PIR: variants seen among roughly 807,000 people sequenced by gnomAD.
PIR encodes the protein pirin.
Under a neutral mutation model 24.2 loss-of-function variants are expected in PIR, and 22 were observed. That is an observed-to-expected ratio of 0.91 (90% CI 0.65 to 1.30). PIR has a LOEUF of 1.30. Among genes scored for constraint, PIR ranks in the 50% most tolerant of loss-of-function variants. The pLI, the probability that PIR is intolerant of heterozygous loss-of-function variation, is 0.00. For missense variants in PIR, 220 were observed against 220.3 expected (o/e 1.00, Z 0.01); for synonymous variants, 80 against 79.6 (o/e 1.00, Z -0.03).
chrX:15,446,246 T>C (rs928514401), intron 5 of PIR, among the ~76,000 whole-genome samples: 18 of 111,987 alleles, frequency 1.6e-4, no homozygotes, highest in African/African-American at 5.8e-4. Context: ...TTTTCCAATT[T>C]TCATACTTTA....
chrX:15,478,387 A>G (rs1922323221), intron 3 of PIR: 1 of 112,322 alleles, frequency 8.9e-6, no homozygotes, highest in Non-Finnish European at 1.9e-5. Flanking sequence ...ATATCCGAAA[A>G]GACCTTGAAG....
chrX:15,489,172 G>A (rs1007017114), intron 2 of PIR, among the ~76,000 whole-genome samples: 2 of 111,585 alleles, frequency 1.8e-5, no homozygotes, highest in Non-Finnish European at 1.9e-5. Flanking sequence ...AATATTGTTC[G>A]TGTTCTTCAC....
rs868415644 is a variant in PIR, at chrX:15,483,183, C to A, written c.97-3362G>T. Among the ~76,000 whole-genome samples the A allele has an allele frequency of 3.5e-3, 181 of 51,552 alleles. 1 individual carries two copies. The highest frequency in any genetic ancestry group is 0.013 in the African/African-American group (174 of 13,199). 44.8% of individuals were successfully genotyped at this position (51,552 alleles called of 115,157 possible). ...ATTATACATATATATATAAATTCAA[C>A]AAGCTACTGCAAGTTTTTTAACCTA... On this transcript the variant is annotated intron_variant, in intron 2 of 9. Coordinates refer to ENST00000380420, the MANE Select transcript of PIR (RefSeq NM_001018109.3).
chrX:15,412,066 A>C (rs756009992), intron 6 of PIR, among the ~76,000 whole-genome samples: 1 of 112,162 alleles, frequency 8.9e-6, no homozygotes, highest in East Asian at 2.8e-4. Flanking sequence ...ATTTTCTTAC[A>C]AAAGTATAGT....
intron 8 of PIR, among the ~76,000 whole-genome samples, chrX:15,395,879 A>G (rs1235018936): frequency 8.9e-6 from 1 of 112,344 alleles, no homozygotes; most frequent in African/African-American, 3.2e-5. Context: ...AGAATTGCAC[A>G]TAACAGAACG....
intron 7 of PIR, among the ~76,000 whole-genome samples, chrX:15,401,379 A>G (rs1053737587): frequency 1.0e-5 from 1 of 99,502 alleles, no homozygotes; most frequent in Non-Finnish European, 1.9e-5. Flanking sequence ...TCTTATAGAC[A>G]CTGGAGTCAG....
In PIR at chrX:15,416,432, G is replaced by A. The variant is rs12353903; in HGVS notation, c.566-8882C>T. 2.8e-4 allele frequency among the ~76,000 whole-genome samples: 31 copies of A among 111,581 alleles called. No homozygotes were observed. The Admixed American group carries it at 3.0e-3, about 11-fold the overall frequency. ...TGGAAAAAATCACTACGCATTTTTCGAGGTTTACTCCAGTCATTTTTAAAA... is the reference window on the plus strand; with the variant it reads ...TGGAAAAAATCACTACGCATTTTTCAAGGTTTACTCCAGTCATTTTTAAAA... On this transcript the variant is annotated intron_variant, in intron 6 of 9. Coordinates refer to ENST00000380420, the MANE Select transcript of PIR (RefSeq NM_001018109.3).
chrX:15,461,106 C>A (rs1022274), intron 3 of PIR, among the ~76,000 whole-genome samples: 32,154 of 110,532 alleles, frequency 0.29, 3,459 homozygotes, highest in East Asian at 0.46. Flanking sequence ...CGCCACTCAC[C>A]CCTTCAGCCC....
At chrX:15,396,389 A>G (rs1254433812) in intron 8 of PIR, among the ~76,000 whole-genome samples, 3 of 112,077 alleles carry the variant, frequency 2.7e-5, no homozygotes, top group Non-Finnish European at 5.6e-5. Flanking sequence ...ACTGTGTTCT[A>G]TAACAACAGG....
chrX:15,394,270 G>C (rs751166414), intron 8 of PIR, among the ~76,000 whole-genome samples: 1 of 111,913 alleles, frequency 8.9e-6, no homozygotes, highest in African/African-American at 3.2e-5. Context: ...AAATTTAGTG[G>C]TTTATTTCAT....
rs1448091548 is a variant in PIR at position 15,396,853 on chromosome X, G to A, written c.693+596C>T. Among the ~76,000 whole-genome samples, 8 of 110,178 alleles carry A rather than the reference G, an allele frequency of 7.3e-5. No individual in the cohort carries two copies. The East Asian group carries it at 2.3e-3, about 31-fold the overall frequency. Reference sequence around the variant, plus strand: ...CCTCCCGGGTTCACGCCATTCTTCTGCCTCAGCCTCCCGAGTAGCTGGGAC... The same window carrying A: ...CCTCCCGGGTTCACGCCATTCTTCTACCTCAGCCTCCCGAGTAGCTGGGAC... On this transcript the variant is annotated intron_variant, in intron 8 of 9. Coordinates refer to ENST00000380420, the MANE Select transcript of PIR (RefSeq NM_001018109.3).
rs146380767 is a variant in PIR, at chrX:15,386,774, C to T, written c.761-1658G>A. Reference sequence around the variant, plus strand: ...GATCAAAGGCGGAAAAAATGGCGATCTGAAATATAGGAAGAAACCAGACCC... The same window carrying T: ...GATCAAAGGCGGAAAAAATGGCGATTTGAAATATAGGAAGAAACCAGACCC... On this transcript the variant is annotated intron_variant, in intron 9 of 9. Transcript: ENST00000380420. Among the ~76,000 whole-genome samples the T allele has an allele frequency of 7.8e-3, 865 of 110,722 alleles. 6 individuals carry two copies. The highest frequency in any genetic ancestry group is 0.027 in the African/African-American group (818 of 30,436).
chrX:15,492,732 C>T (rs1567894), intron 1 of PIR, among the ~76,000 whole-genome samples: 53,230 of 110,197 alleles, frequency 0.48, 10,056 homozygotes, highest in African/African-American at 0.69. Flanking sequence ...AGAATGTTAG[C>T]TGCTGTTATT....
At chrX:15,443,635 G>C (rs926037047) in intron 5 of PIR, among the ~76,000 whole-genome samples, 2 of 111,498 alleles carry the variant, frequency 1.8e-5, no homozygotes, top group African/African-American at 3.3e-5. Context: ...TAATGGATCT[G>C]GGCAAAGTAA....
chrX:15,422,033 G>A (rs1925146801), intron 6 of PIR, among the ~76,000 whole-genome samples: 1 of 109,430 alleles, frequency 9.1e-6, no homozygotes, highest in Non-Finnish European at 1.9e-5. Flanking sequence ...CACATTAACA[G>A]AATCAAGAAG....
intron 6 of PIR, among the ~76,000 whole-genome samples, chrX:15,423,505 A>C (rs1311131109): frequency 1.8e-5 from 2 of 111,203 alleles, no homozygotes; most frequent in Non-Finnish European, 1.9e-5. Context: ...AATCCCAGGT[A>C]CTTGGAAAGC....
rs200904499 is a variant in PIR, at chrX:15,413,433, T to C, written c.566-5883A>G. The stretch of plus-strand genomic sequence containing the variant: ...CGTCCTCATCAAGAACCTCATGGCA[T>C]TAAGGATGCTGTCTGTGTCCCACCA... On this transcript the variant is annotated intron_variant, in intron 6 of 9. Coordinates refer to ENST00000380420, the MANE Select transcript of PIR (RefSeq NM_001018109.3). Among the ~76,000 whole-genome samples the C allele has an allele frequency of 8.1e-5, 9 of 111,800 alleles. No individual in the cohort carries two copies. In the East Asian group the frequency reaches 2.0e-3, roughly 24 times the overall value.
At chrX:15,491,017 C>G in intron 2 of PIR, 145 bp downstream of exon 2, 4 of 440,484 alleles carry the variant, frequency 9.1e-6, no homozygotes, top group Non-Finnish European at 1.6e-5. Flanking sequence ...CTGGTTTGCC[C>G]CCAATTGCAA....
chrX:15,480,375 G>A (rs73193800), intron 2 of PIR, among the ~76,000 whole-genome samples: 223 of 111,567 alleles, frequency 2.0e-3, no homozygotes, highest in Non-Finnish European at 3.3e-3. Flanking sequence ...AAGGATTTAC[G>A]GATTGTGTTA....
Sources: gnomAD v4.1 joint callset for allele counts (sites outside exome capture counted in the v4.1 genomes callset) on GRCh38, gnomAD v4.1.1 for gene constraint, MANE v1.5 for transcripts, NCBI Gene and HGNC (gene_info 2026-07-23, HGNC 2026-07-21) for gene names.